PRRX1: variants seen among roughly 807,000 people sequenced by gnomAD.
PRRX1 encodes paired mesoderm homeobox protein 1.
In PRRX1, 8 loss-of-function variants were observed where a neutral mutation model predicts 24.0. The ratio of observed to expected loss-of-function variants is 0.33; its 90% confidence interval spans 0.20 to 0.60. The LOEUF (loss-of-function observed/expected upper bound fraction) is 0.60, where lower values mean the gene tolerates loss of function less well. Ranked by LOEUF, PRRX1 falls within the 20% of genes least tolerant of loss-of-function variation. The pLI is 0.82. For missense variants in PRRX1, 281 were observed against 322.4 expected (o/e 0.87, Z 0.98); for synonymous variants, 160 against 131.7 (o/e 1.22, Z -1.47).
chr1:170,694,519 C>A (rs1654103326), intron 1 of PRRX1, among the ~76,000 whole-genome samples: 1 of 152,058 alleles, frequency 6.6e-6, no homozygotes, highest in Admixed American at 6.6e-5. Context: ...ATTGCATTTG[C>A]TTATTCAAAA....
intron 1 of PRRX1, among the ~76,000 whole-genome samples, chr1:170,685,429 G>T (rs1653698721): frequency 6.6e-6 from 1 of 152,154 alleles, no homozygotes. Context: ...TAGGGGATTT[G>T]TTAGGCCATC....
Position 170,726,281 on chromosome 1 carries a change from A to G in PRRX1, c.479A>G (p.Lys160Arg). The stretch of plus-strand genomic sequence containing the variant: ...AATGAGAGAGCCATGCTAGCCAATA[A>G]AAACGCTTCCCTCCTCAAATCCTAC... The part of the protein sequence containing the change: ...RRNERAMLAN[K>R]NASLLKSYSG... Residue 160 changes from lysine to arginine, a missense_variant, in exon 3 of 4, where the codon AAA (lysine) becomes AGA (arginine). By Grantham distance (26) the Lys-to-Arg change is conservative. Coordinates refer to ENST00000239461, the MANE Select transcript of PRRX1 (RefSeq NM_022716.4). 6.2e-7 allele frequency: 1 copy of G among 1,614,046 alleles called. No homozygotes were observed. The highest frequency in any genetic ancestry group is 8.5e-7 in the Non-Finnish European group (1 of 1,179,982).
At chr1:170,671,552 C>T (rs1017267639) in intron 1 of PRRX1, among the ~76,000 whole-genome samples, 12 of 152,236 alleles carry the variant, frequency 7.9e-5, no homozygotes, top group Non-Finnish European at 1.5e-4. Context: ...TCCCAGGCTG[C>T]GCTGGTACCT....
At chr1:170,689,859 T>C (rs1653877094) in intron 1 of PRRX1, among the ~76,000 whole-genome samples, 1 of 149,064 alleles carries the variant, frequency 6.7e-6, no homozygotes, top group East Asian at 1.9e-4. Flanking sequence ...TCTCTCTCTC[T>C]CTCTCTCTCT....
chr1:170,711,207 G>A (rs1571338753), intron 1 of PRRX1, among the ~76,000 whole-genome samples: 1 of 152,102 alleles, frequency 6.6e-6, no homozygotes, highest in African/African-American at 2.4e-5. Flanking sequence ...GTAACACCAA[G>A]AAGAACTTTG....
At chr1:170,674,430 A>G (rs1008196352) in intron 1 of PRRX1, among the ~76,000 whole-genome samples, 1 of 152,204 alleles carries the variant, frequency 6.6e-6, no homozygotes. Flanking sequence ...GCTTTCTTCC[A>G]AGATTCTGCT....
chr1:170,692,735 TCTCTCTCA>T (rs1488013374), intron 1 of PRRX1, among the ~76,000 whole-genome samples: 7 of 141,428 alleles, frequency 4.9e-5, no homozygotes, highest in South Asian at 2.2e-4. Flanking sequence ...TCTCTCTCTC[TCTCTCTCA>T]CACACACACA....
At chr1:170,708,385 T>A (rs924839392) in intron 1 of PRRX1, among the ~76,000 whole-genome samples, 12 of 152,126 alleles carry the variant, frequency 7.9e-5, no homozygotes, top group African/African-American at 2.7e-4. Flanking sequence ...CAGTCGCATA[T>A]CCTTGGAGAG....
chr1:170,705,810 C>T (rs1654538407), intron 1 of PRRX1, among the ~76,000 whole-genome samples: 1 of 151,966 alleles, frequency 6.6e-6, no homozygotes, highest in South Asian at 2.1e-4. Context: ...GAAGTTGTTC[C>T]TTCTCATGTG....
chr1:170,675,697 A>C (rs1359091570), intron 1 of PRRX1, among the ~76,000 whole-genome samples: 1 of 152,172 alleles, frequency 6.6e-6, no homozygotes, highest in Non-Finnish European at 1.5e-5. Flanking sequence ...ATTTCAGGGA[A>C]ACAACATATT....
At chr1:170,703,718 T>A (rs929924257) in intron 1 of PRRX1, among the ~76,000 whole-genome samples, 1 of 152,194 alleles carries the variant, frequency 6.6e-6, no homozygotes, top group African/African-American at 2.4e-5. Flanking sequence ...CTACCAGATA[T>A]CAGCTGCATG....
chr1:170,693,293 T>C (rs1654054406), intron 1 of PRRX1, among the ~76,000 whole-genome samples: 1 of 152,026 alleles, frequency 6.6e-6, no homozygotes. Flanking sequence ...CTAAATATAC[T>C]ATAAAGAGTG....
At chr1:170,677,458 T>A (rs1429121543) in intron 1 of PRRX1, among the ~76,000 whole-genome samples, 2 of 152,366 alleles carry the variant, frequency 1.3e-5, no homozygotes, top group Middle Eastern at 3.4e-3. Context: ...TTTGCTTACA[T>A]TATTTCCACC....
At chr1:170,713,134 A>G (rs1183929243) in intron 1 of PRRX1, among the ~76,000 whole-genome samples, 1 of 152,212 alleles carries the variant, frequency 6.6e-6, no homozygotes, top group Non-Finnish European at 1.5e-5. Context: ...TAGTATTATT[A>G]TTAGTAGTAG....
chr1:170,684,297 T>G (rs1447588613), intron 1 of PRRX1, among the ~76,000 whole-genome samples: 2 of 152,242 alleles, frequency 1.3e-5, no homozygotes, highest in East Asian at 1.9e-4. Flanking sequence ...ACAGACATTT[T>G]ATCTCAGAAA....
chr1:170,666,083 A>G (rs1652917199), intron 1 of PRRX1, among the ~76,000 whole-genome samples: 1 of 152,242 alleles, frequency 6.6e-6, no homozygotes, highest in African/African-American at 2.4e-5. Context: ...GAGAAATACT[A>G]TGATTGTTTT....
At chr1:170,690,125 C>T (rs561089646) in intron 1 of PRRX1, among the ~76,000 whole-genome samples, 1 of 76,512 alleles carries the variant, frequency 1.3e-5, no homozygotes, top group Admixed American at 1.9e-4. Context: ...TCCTCCCCTC[C>T]CCCCCCATTT....
intron 1 of PRRX1, among the ~76,000 whole-genome samples, chr1:170,690,127 C>T (rs1021149970): frequency 6.6e-6 from 1 of 151,776 alleles, no homozygotes. Flanking sequence ...CTCCCCTCCC[C>T]CCCCATTTTT....
chr1:170,676,383 C>T (rs370894861), intron 1 of PRRX1, among the ~76,000 whole-genome samples: 51 of 149,134 alleles, frequency 3.4e-4, no homozygotes, highest in Admixed American at 8.7e-4. Context: ...GTGAGAATAT[C>T]TGTTTTCTGA....
Sources: allele counts gnomAD v4.1 joint callset (sites outside exome capture counted in the v4.1 genomes callset), GRCh38; gene constraint gnomAD v4.1.1; transcripts MANE v1.5; gene names NCBI Gene and HGNC (gene_info 2026-07-23, HGNC 2026-07-21).